Variants in RAB27A observed in about 807,000 individuals in gnomAD.
RAB27A encodes the protein RAB27A, member RAS oncogene family.
Under a neutral mutation model 20.8 loss-of-function variants are expected in RAB27A, and 17 were observed. That is an observed-to-expected ratio of 0.82 (90% confidence interval 0.56 to 1.23). The LOEUF is 1.23. Among genes scored for constraint, RAB27A ranks in the 50% most tolerant of loss-of-function variants. The probability of loss-of-function intolerance (pLI) is 0.00; values close to 1 mark genes in which losing one functional copy is unlikely to be tolerated. For missense variants in RAB27A, 277 were observed against 266.7 expected (o/e 1.04, Z -0.27); for synonymous variants, 85 against 92.8 (o/e 0.92, Z 0.48).
intron 2 of RAB27A, among the ~76,000 whole-genome samples, chr15:55,243,121 T>A (rs1026905513): frequency 6.6e-6 from 1 of 152,182 alleles, no homozygotes; most frequent in African/African-American, 2.4e-5. Flanking sequence ...AAGCCCTTCA[T>A]CCTGATGGGC....
At chr15:55,224,253 G>C (rs1165171069) in intron 5 of RAB27A, among the ~76,000 whole-genome samples, 1 of 152,154 alleles carries the variant, frequency 6.6e-6, no homozygotes, top group Non-Finnish European at 1.5e-5. Flanking sequence ...AGGAGAATGT[G>C]CTACCTCTCA....
intron 6 of RAB27A, among the ~76,000 whole-genome samples, chr15:55,219,377 T>C (rs911615001): frequency 2.6e-5 from 4 of 152,268 alleles, no homozygotes; most frequent in African/African-American, 9.6e-5. Flanking sequence ...GTTCATATCC[T>C]GTACAAGAAT....
At chr15:55,267,403 T>C (rs1897535808) in intron 2 of RAB27A, among the ~76,000 whole-genome samples, 1 of 152,058 alleles carries the variant, frequency 6.6e-6, no homozygotes, top group Non-Finnish European at 1.5e-5. Flanking sequence ...CAAAGATAGC[T>C]CATTTCTCAA....
At chr15:55,222,339 C>T (rs1895610611) in intron 6 of RAB27A, among the ~76,000 whole-genome samples, 1 of 152,156 alleles carries the variant, frequency 6.6e-6, no homozygotes, top group African/African-American at 2.4e-5. Flanking sequence ...ACCTAAAATC[C>T]TGCCCTACTC....
intron 2 of RAB27A, among the ~76,000 whole-genome samples, chr15:55,301,550 TAA>T (rs2054972070): frequency 6.6e-6 from 1 of 151,840 alleles, no homozygotes; most frequent in South Asian, 2.1e-4. Context: ...GTTCACCCTT[TAA>T]AAGTGTATGA....
intron 6 of RAB27A, among the ~76,000 whole-genome samples, chr15:55,210,122 GTATA>G (rs765756020): frequency 2.7e-4 from 37 of 136,048 alleles, no homozygotes; most frequent in Non-Finnish European, 3.7e-4. Context: ...ATACACATAT[GTATA>G]TATAGTGTAT....
At chr15:55,303,074 G>A (rs2054980533) in intron 2 of RAB27A, among the ~76,000 whole-genome samples, 1 of 142,970 alleles carries the variant, frequency 7.0e-6, no homozygotes. Flanking sequence ...CGCCATCCGG[G>A]AGGGAGGTGG....
Position 55,203,581 on chromosome 15 carries a change from ATT to A in RAB27A, c.*1924_*1925del, listed in dbSNP as rs1278140713. ...AGGTGCCCACCACCACGCCCAGCCC[ATT>A]TTTTTTTTTTTTTTTTTTTTAGTAG... On this transcript the variant is annotated 3_prime_UTR_variant, in exon 7 of 7. Transcript: ENST00000336787. 1.2e-4 allele frequency: 15 copies of A among 128,626 alleles called. No homozygotes were observed. The highest frequency in any genetic ancestry group is 1.6e-4 in the Admixed American group (2 of 12,254). The allele number at this position is 128,626 out of a possible 1,614,324, so 8.0% of individuals were successfully genotyped here.
At chr15:55,315,656 C>G (rs2055039969) in intron 1 of RAB27A, among the ~76,000 whole-genome samples, 1 of 152,162 alleles carries the variant, frequency 6.6e-6, no homozygotes, top group Non-Finnish European at 1.5e-5. Flanking sequence ...TGAAAAAAAG[C>G]TCATCATCAC....
At position 55,213,055 on chromosome 15, in the gene RAB27A, G is replaced by A. The variant is rs181504275; in HGVS notation, c.468-7350C>T. Among the ~76,000 whole-genome samples, 211 of 152,314 alleles carry A rather than the reference G, an allele frequency of 1.4e-3. 1 individual carries two copies. Among genetic ancestry groups the A allele is most frequent in the Middle Eastern group, 3.4e-3 (1 of 294 alleles). On this transcript the variant is annotated intron_variant, in intron 6 of 6. Transcript: ENST00000336787. ...CTTGCTTTTCAATAAAGCCATGAAA[G>A]TCGTGATAACATTGTATTTCCTTCA...
chr15:55,205,614 G>C lies in RAB27A; in HGVS notation c.559C>G (p.Arg187Gly). The C allele has an allele frequency of 1.9e-6, 3 of 1,614,000 alleles. No homozygotes were observed. Among genetic ancestry groups the C allele is most frequent in the Non-Finnish European group, 2.5e-6 (3 of 1,179,950 alleles). Reference protein sequence around the residue: ...LLDLIMKRMERCVDKSWIPEG... With the variant: ...LLDLIMKRMEGCVDKSWIPEG... ...GGAATCCAGGACTTGTCCACACACC[G>C]TTCCATTCGCTTCATTATCAGGTCC... The change falls in exon 7 of 7, where the codon CGG becomes GGG. Residue 187 changes from arginine to glycine, a missense_variant. Arg to Gly is a moderately radical substitution (Grantham distance 125). Transcript: ENST00000336787.
intron 1 of RAB27A, among the ~76,000 whole-genome samples, chr15:55,273,794 A>G (rs1034945152): frequency 6.6e-6 from 1 of 152,206 alleles, no homozygotes; most frequent in East Asian, 1.9e-4. Flanking sequence ...CCATACAATA[A>G]TAGTAAGGGA....
intron 2 of RAB27A, among the ~76,000 whole-genome samples, chr15:55,306,795 T>G (rs779292738): frequency 8.5e-5 from 13 of 152,168 alleles, no homozygotes; most frequent in Admixed American, 7.2e-4. Context: ...GGGGAGCTAC[T>G]GGTCCTACAG....
At chr15:55,284,738 G>A (rs1343832827) in intron 1 of RAB27A, among the ~76,000 whole-genome samples, 1 of 152,214 alleles carries the variant, frequency 6.6e-6, no homozygotes, top group Non-Finnish European at 1.5e-5. Context: ...GGATTATGCA[G>A]CAGAACAACT....
At chr15:55,260,157 T>C (rs555947111) in intron 2 of RAB27A, 10 of 152,342 alleles carry the variant, frequency 6.6e-5, no homozygotes, top group Admixed American at 2.0e-4. Flanking sequence ...AAAGAAGATA[T>C]ACAAATGGCA....
At chr15:55,211,000 G>A (rs896091966) in intron 6 of RAB27A, among the ~76,000 whole-genome samples, 9 of 152,150 alleles carry the variant, frequency 5.9e-5, no homozygotes, top group African/African-American at 2.2e-4. Context: ...AGTTTTCCCA[G>A]CATCATTTAT....
At chr15:55,276,590 T>TA (rs984744282) in intron 1 of RAB27A, among the ~76,000 whole-genome samples, 2 of 151,652 alleles carry the variant, frequency 1.3e-5, no homozygotes, top group Non-Finnish European at 2.9e-5. Flanking sequence ...AATTTTAATT[T>TA]AAAAAAAAGT....
chr15:55,242,931 C>G (rs1896549648), intron 2 of RAB27A, among the ~76,000 whole-genome samples: 1 of 152,202 alleles, frequency 6.6e-6, no homozygotes, highest in South Asian at 2.1e-4. Flanking sequence ...TTTCTTCTGT[C>G]TGTATTCCTT....
chr15:55,219,476 T>G (rs927738006), intron 6 of RAB27A, among the ~76,000 whole-genome samples: 5 of 152,174 alleles, frequency 3.3e-5, no homozygotes, highest in African/African-American at 1.2e-4. Context: ...ACTCAAAGTG[T>G]TGTCTTGAAC....
Sources: gnomAD v4.1 joint callset for allele counts (sites outside exome capture counted in the v4.1 genomes callset) on GRCh38, gnomAD v4.1.1 for gene constraint, MANE v1.5 for transcripts, NCBI Gene and HGNC (gene_info 2026-07-23, HGNC 2026-07-21) for gene names.